Variants in MFGE8 observed in about 807,000 individuals in gnomAD.
MFGE8 encodes the protein milk fat globule EGF and factor V/VIII domain containing, also known as lactadherin.
MFGE8 carries 34 observed loss-of-function variants against 42.6 expected under a neutral mutation model. The observed-to-expected ratio is 0.80, with a 90% CI of 0.61 to 1.06. The LOEUF (loss-of-function observed/expected upper bound fraction) is 1.06, where lower values mean the gene tolerates loss of function less well. Ranked by LOEUF, MFGE8 falls within the 50% of genes least tolerant of loss-of-function variation. MFGE8 has a pLI of 0.00. For synonymous variants in MFGE8, 230 were observed against 214.8 expected (o/e 1.07, Z -0.62); for missense variants, 510 against 516.9 (o/e 0.99, Z 0.13).
At position 88,905,688 on chromosome 15, in the gene MFGE8, A is replaced by G; in HGVS notation, c.685+69T>C. 1 of 1,603,324 alleles carries G rather than the reference A, an allele frequency of 6.2e-7. No individual in the cohort carries two copies. Among genetic ancestry groups the G allele is most frequent in the Non-Finnish European group, 8.5e-7 (1 of 1,172,468 alleles). On this transcript the variant is annotated intron_variant, in intron 5 of 7. Coordinates refer to ENST00000268150, the MANE Select transcript of MFGE8 (RefSeq NM_005928.4). The surrounding 1 kb of genome is among the most constrained non-coding windows in gnomAD (Gnocchi z 6.6). ...CCTAGCTCAGTTTGGCTGAGAAAAG[A>G]GGCAGCAGGGAGGGCCACCTCCTAG... is the stretch of plus-strand genomic sequence containing the variant.
chr15:88,909,922 A>G lies in MFGE8; in HGVS notation c.75T>C (p.Asp25=). 3.1e-6 allele frequency: 5 copies of G among 1,614,052 alleles called. No homozygotes were observed. The highest frequency in any genetic ancestry group is 3.4e-6 in the Non-Finnish European group (4 of 1,179,956). The change falls in exon 2 of 8, where the codon GAT becomes GAC. Residue 25 remains aspartate, a splice_region_variant and synonymous_variant. Coordinates refer to ENST00000268150, the MANE Select transcript of MFGE8 (RefSeq NM_005928.4). ...LCAPSLLVAL[D]ICSKNPCHNG... ...TGTGGCAGGGGTTTTTGGAACAGAT[A>G]TCTGGGGACAGAGACAGGTAAGATG... is the stretch of plus-strand genomic sequence containing the variant.
At position 88,913,256 on chromosome 15, in the gene MFGE8, C is replaced by A. The variant is rs1166140103; in HGVS notation, c.64G>T (p.Val22Phe). 1.5e-5 allele frequency: 22 copies of A among 1,505,492 alleles called. No homozygotes were observed. The highest frequency in any genetic ancestry group is 2.5e-5 in the South Asian group (2 of 80,834). The allele number at this position is 1,505,492 out of a possible 1,614,324, so 93.3% of individuals were successfully genotyped here. Residue 22 changes from valine to phenylalanine, a missense_variant, in exon 1 of 8, where the codon GTC (valine) becomes TTC (phenylalanine). Physicochemically the swap from Val to Phe is conservative, Grantham distance 50. Transcript: ENST00000268150. ...GGCGCGATCCACTCACCCAGGGCGA[C>A]GAGGAGGCTGGGGGCGCAGAGCAGC... is the stretch of plus-strand genomic sequence containing the variant. ...GALLCAPSLLVALDICSKNPC... is the reference protein window; with the variant it reads ...GALLCAPSLLFALDICSKNPC...
At chr15:88,907,170 G>A (rs368699927) in intron 3 of MFGE8, 25 bp downstream of exon 3, 528 of 1,605,156 alleles carry the variant, frequency 3.3e-4, no homozygotes, top group Middle Eastern at 5.0e-4. Flanking sequence ...CCATTGCCCC[G>A]CCCCAGGGCC....
Position 88,905,806 on chromosome 15 carries a change from G to A in MFGE8, c.636C>T (p.Cys212=), listed in dbSNP as rs772095540. 1.2e-6 allele frequency: 2 copies of A among 1,614,194 alleles called. No individual in the cohort carries two copies. The highest frequency in any genetic ancestry group is 1.1e-5 in the South Asian group (1 of 91,088). The part of the protein sequence containing the change: ...AQYVRLYPTS[C]HTACTLRFEL... ...CAAAGCGCAGAGTGCAGGCCGTGTG[G>A]CAGCTCGTGGGGTACAATCTCACGT... Residue 212 remains cysteine, a synonymous_variant, in exon 5 of 8, where the codon TGC becomes TGT. Transcript: ENST00000268150. This position sits in a 1 kb window ranked among gnomAD's most constrained non-coding sequence, Gnocchi z 6.6.
rs1898432897 is a variant in MFGE8, at chr15:88,901,571, C to T, written c.850G>A (p.Gly284Ser). The change falls in exon 6 of 8, where the codon GGT becomes AGT. Residue 284 changes from glycine (G) to serine (S), a missense_variant. Physicochemically the swap from Gly to Ser is moderately conservative, Grantham distance 56. Coordinates refer to ENST00000268150, the MANE Select transcript of MFGE8 (RefSeq NM_005928.4). ...NFNAWVAGSY[G>S]NDQWLQVDLG... ...CCCACCTGCAGCCACTGATCGTTAC[C>T]GTAGCTCCCCGCAACCCAGGCGTTG... 1.9e-6 allele frequency: 3 copies of T among 1,612,052 alleles called. No individual in the cohort carries two copies. Among genetic ancestry groups the T allele is most frequent in the South Asian group, 1.1e-5 (1 of 91,070 alleles).
chr15:88,906,336 C>A lies in MFGE8; in HGVS notation c.540+290G>T. On this transcript the variant is annotated intron_variant, in intron 4 of 7. Coordinates refer to ENST00000268150, the MANE Select transcript of MFGE8 (RefSeq NM_005928.4). The surrounding 1 kb of genome is among the most constrained non-coding windows in gnomAD (Gnocchi z 4.2). Reference sequence around the variant, plus strand: ...CAACCTACACAACTGTACATGTACCCATGAAGGCTCAGAATGAAACCCAGC... The same window carrying A: ...CAACCTACACAACTGTACATGTACCAATGAAGGCTCAGAATGAAACCCAGC... 2.1e-6 allele frequency: 1 copy of A among 485,210 alleles called. No homozygotes were observed. Among genetic ancestry groups the A allele is most frequent in the Admixed American group, 3.2e-5 (1 of 30,874 alleles). 30.1% of individuals were successfully genotyped at this position (485,210 alleles called of 1,614,324 possible). A position where few individuals can be genotyped will look rare whatever the true frequency, so the allele number is the denominator to read the frequency against.
In MFGE8 at chr15:88,901,624, T is replaced by G; in HGVS notation, c.797A>C (p.Tyr266Ser). The G allele has an allele frequency of 6.2e-7, 1 of 1,612,284 alleles. No homozygotes were observed. Reference sequence around the variant, plus strand: ...GTTGCCCTGCTTGTCCAGCCGTGCATAGGAGGGGTTCCAGCTGAAGAGATG... The same window carrying G: ...GTTGCCCTGCTTGTCCAGCCGTGCAGAGGAGGGGTTCCAGCTGAAGAGATG... ...GLHLFSWNPSYARLDKQGNFN... is the reference protein window; with the variant it reads ...GLHLFSWNPSSARLDKQGNFN... Residue 266 changes from tyrosine to serine, a missense_variant, in exon 6 of 8, where the codon TAT (tyrosine) becomes TCT (serine). By Grantham distance (144) the Tyr-to-Ser change is moderately radical. Transcript: ENST00000268150.
Position 88,903,414 on chromosome 15 carries a change from A to T in MFGE8, c.686-1679T>A, listed in dbSNP as rs1330081210. The stretch of plus-strand genomic sequence containing the variant: ...TCACAGATCACCTGGGGATCTTGAT[A>T]TAAAAAAAAAAAGCTTATGTTTCAG... On this transcript the variant is annotated intron_variant, in intron 5 of 7. Transcript: ENST00000268150. This position sits in a 1 kb window ranked among gnomAD's most constrained non-coding sequence, Gnocchi z 4.9. 3.0e-5 allele frequency: 4 copies of T among 134,388 alleles called. No homozygotes were observed. The highest frequency in any genetic ancestry group is 4.8e-5 in the Non-Finnish European group (3 of 63,074). 8.3% of individuals were successfully genotyped at this position (134,388 alleles called of 1,614,324 possible).
chr15:88,911,577 C>A (rs1898957118), intron 1 of MFGE8, among the ~76,000 whole-genome samples: 1 of 151,928 alleles, frequency 6.6e-6, no homozygotes, highest in South Asian at 2.1e-4. Context: ...AAAAAATTAG[C>A]CGGGCCGGGC....
rs139443677 is a variant in MFGE8, at chr15:88,908,532, C to T, written c.206-1156G>A. On this transcript the variant is annotated intron_variant, in intron 2 of 7. Coordinates refer to ENST00000268150, the MANE Select transcript of MFGE8 (RefSeq NM_005928.4). Reference sequence around the variant, plus strand: ...AGAGCTGCGAAGGTCCCTCTGAGGGCTTCCTCCGCTGTGTGGTCACCCCTG... The same window carrying T: ...AGAGCTGCGAAGGTCCCTCTGAGGGTTTCCTCCGCTGTGTGGTCACCCCTG... Among the ~76,000 whole-genome samples the T allele has an allele frequency of 8.5e-3, 1,289 of 152,318 alleles. 20 individuals are homozygous for T. The highest frequency in any genetic ancestry group is 0.03 in the African/African-American group (1,240 of 41,566).
At chr15:88,907,497 A>G (rs1010266789) in intron 2 of MFGE8, 121 bp from the exon 3 acceptor site, 30 of 870,790 alleles carry the variant, frequency 3.4e-5, no homozygotes, top group Non-Finnish European at 5.7e-5. Context: ...GCCAGGGAGA[A>G]CCTCAGAGCC....
intron 5 of MFGE8, 30 bp from the exon 6 acceptor site, chr15:88,901,765 C>T: frequency 1.2e-6 from 2 of 1,611,514 alleles, no homozygotes; most frequent in Non-Finnish European, 1.7e-6. Context: ...TCATCTGGAT[C>T]TGGGATCCAC....
chr15:88,911,818 C>G (rs1445846305), intron 1 of MFGE8, among the ~76,000 whole-genome samples: 1 of 152,178 alleles, frequency 6.6e-6, no homozygotes, highest in African/African-American at 2.4e-5. Context: ...TCTCAAAGCC[C>G]CTTCATCCCA....
intron 6 of MFGE8, 31 bp downstream of exon 6, chr15:88,901,520 C>A: frequency 7.9e-7 from 1 of 1,262,428 alleles, no homozygotes; most frequent in Non-Finnish European, 1.1e-6. Context: ...CCACCCAACC[C>A]CAGCCCCATA....
chr15:88,908,838 T>C (rs1898820625), intron 2 of MFGE8, among the ~76,000 whole-genome samples: 1 of 152,138 alleles, frequency 6.6e-6, no homozygotes, highest in African/African-American at 2.4e-5. Flanking sequence ...AAAGGCATCC[T>C]ACTCACTTGA....
rs1436594175 is a variant in MFGE8 at position 88,902,810 on chromosome 15, T to C, written c.686-1075A>G. 3 of 152,152 alleles carry C rather than the reference T, an allele frequency of 2.0e-5. No individual in the cohort carries two copies. Among genetic ancestry groups the C allele is most frequent in the East Asian group, 1.9e-4 (1 of 5,186 alleles). The allele number at this position is 152,152 out of a possible 1,614,324, so 9.4% of individuals were successfully genotyped here. ...CACAAGTGTCTATCCCTCTGGGGAA[T>C]TGAGGGAGGCAGGAGTGGACGGTGG... On this transcript the variant is annotated intron_variant, in intron 5 of 7. Transcript: ENST00000268150. The surrounding 1 kb of genome is among the most constrained non-coding windows in gnomAD (Gnocchi z 4.3).
intron 5 of MFGE8, 164 bp from the exon 6 acceptor site, chr15:88,901,899 A>G: frequency 1.4e-6 from 1 of 700,384 alleles, no homozygotes; most frequent in Non-Finnish European, 2.5e-6. Context: ...CAACTGTGCG[A>G]CCTTCTCACT....
intron 6 of MFGE8, 35 bp downstream of exon 6, chr15:88,901,516 A>AACCC: frequency 1.4e-6 from 1 of 733,420 alleles, no homozygotes; most frequent in Non-Finnish European, 2.4e-6. Context: ...CATCCCACCC[A>AACCC]ACCCCAGCCC....
Position 88,909,931 on chromosome 15 carries a change from CAGAGACAGGTA to C in MFGE8, c.74-19_74-9del. ...GGTTTTTGGAACAGATATCTGGGGA[CAGAGACAGGTA>C]AGATGAGCAGATGATCAGGAAGGAG... On this transcript the variant is annotated splice_polypyrimidine_tract_variant and intron_variant, in intron 1 of 7. Coordinates refer to ENST00000268150, the MANE Select transcript of MFGE8 (RefSeq NM_005928.4). 6.2e-7 allele frequency: 1 copy of C among 1,613,938 alleles called. No individual in the cohort carries two copies. Among genetic ancestry groups the C allele is most frequent in the Non-Finnish European group, 8.5e-7 (1 of 1,179,904 alleles).
Sources: allele counts gnomAD v4.1 joint callset (sites outside exome capture counted in the v4.1 genomes callset), GRCh38; gene constraint gnomAD v4.1.1; non-coding constraint Gnocchi (gnomAD v3.1); transcripts MANE v1.5; gene names NCBI Gene and HGNC (gene_info 2026-07-23, HGNC 2026-07-21).